AKAP6: variants seen among roughly 807,000 people sequenced by gnomAD.
The protein encoded by AKAP6 is A-kinase anchoring protein 6.
A neutral mutation model predicts 188.5 loss-of-function variants in AKAP6; 58 were observed. The observed-to-expected ratio is 0.31, with a 90% CI of 0.25 to 0.38. AKAP6 has a LOEUF of 0.38. AKAP6 is among the 10% of genes least tolerant of loss of function. AKAP6 has a pLI of 1.00. For synonymous variants in AKAP6, 989 were observed against 998.6 expected, an observed-to-expected ratio of 0.99 and a Z score of 0.18; for missense variants, 2,710 against 2,740.0, an observed-to-expected ratio of 0.99 and a Z score of 0.24.
intron 3 of AKAP6, 108 bp from the exon 4 acceptor site, chr14:32,545,122 C>T: frequency 9.9e-7 from 1 of 1,014,618 alleles, no homozygotes; most frequent in South Asian, 1.5e-5. Flanking sequence ...CAATAGGGAC[C>T]AATACATTTG....
chr14:32,652,151 A>G (rs1888258180), intron 7 of AKAP6, among the ~76,000 whole-genome samples: 1 of 152,110 alleles, frequency 6.6e-6, no homozygotes, highest in South Asian at 2.1e-4. Context: ...TTGTCACCTA[A>G]AAGTTTCCAT....
chr14:32,651,830 T>C (rs921986449), intron 7 of AKAP6, among the ~76,000 whole-genome samples: 1 of 152,184 alleles, frequency 6.6e-6, no homozygotes, highest in Non-Finnish European at 1.5e-5. Context: ...CTATGTATTG[T>C]AGAACATCCA....
At chr14:32,604,543 C>G (rs1298656669) in intron 7 of AKAP6, among the ~76,000 whole-genome samples, 1 of 152,020 alleles carries the variant, frequency 6.6e-6, no homozygotes, top group Non-Finnish European at 1.5e-5. Context: ...TCTTTTACTC[C>G]CTTGGGCAAA....
chr14:32,642,499 G>A (rs1247387380), intron 7 of AKAP6, among the ~76,000 whole-genome samples: 2 of 152,160 alleles, frequency 1.3e-5, no homozygotes, highest in Non-Finnish European at 2.9e-5. Context: ...CAGCTGTATA[G>A]TTTTTTCTTT....
chr14:32,725,563 T>C (rs192340487), intron 9 of AKAP6, among the ~76,000 whole-genome samples: 29 of 152,312 alleles, frequency 1.9e-4, no homozygotes, highest in Admixed American at 1.5e-3. Flanking sequence ...TACATCAGAG[T>C]TGCAGACTAG....
chr14:32,799,542 AT>A (rs1463948564), intron 12 of AKAP6, among the ~76,000 whole-genome samples: 1 of 152,022 alleles, frequency 6.6e-6, no homozygotes, highest in African/African-American at 2.4e-5. Context: ...AATATTTTAA[AT>A]TTTTTATTGA....
At chr14:32,340,993 C>T (rs1023403014) in intron 1 of AKAP6, among the ~76,000 whole-genome samples, 14 of 152,320 alleles carry the variant, frequency 9.2e-5, no homozygotes, top group South Asian at 4.1e-4. Context: ...ATTTTGGGAA[C>T]GCAAAACATT....
intron 2 of AKAP6, among the ~76,000 whole-genome samples, chr14:32,494,801 A>T (rs1310838441): frequency 6.6e-6 from 1 of 152,120 alleles, no homozygotes; most frequent in East Asian, 1.9e-4. Flanking sequence ...TTTATTAGTG[A>T]TGGGTCTAAG....
chr14:32,583,289 G>T (rs1289222695), intron 5 of AKAP6, among the ~76,000 whole-genome samples: 3 of 152,210 alleles, frequency 2.0e-5, no homozygotes, highest in Non-Finnish European at 4.4e-5. Context: ...CAGCAGCGGT[G>T]GCTGCAGAAC....
At chr14:32,385,655 C>A (rs1888509025) in intron 1 of AKAP6, among the ~76,000 whole-genome samples, 1 of 151,324 alleles carries the variant, frequency 6.6e-6, no homozygotes, top group Non-Finnish European at 1.5e-5. Context: ...TGAGAACATA[C>A]AATGTTTTGT....
At chr14:32,390,164 A>C (rs1476305023) in intron 1 of AKAP6, among the ~76,000 whole-genome samples, 1 of 151,996 alleles carries the variant, frequency 6.6e-6, no homozygotes, top group Non-Finnish European at 1.5e-5. Flanking sequence ...AGCATTTTGC[A>C]TTTCTAGAAG....
At chr14:32,808,685 T>C (rs2034150098) in intron 12 of AKAP6, among the ~76,000 whole-genome samples, 2 of 152,200 alleles carry the variant, frequency 1.3e-5, no homozygotes, top group African/African-American at 4.8e-5. Flanking sequence ...TCTTCCGTTT[T>C]TTTTCTTTCT....
chr14:32,534,722 T>C lies in AKAP6; in HGVS notation c.325-832T>C, dbSNP rs191541809. 1.4e-3 allele frequency among the ~76,000 whole-genome samples: 212 copies of C among 152,032 alleles called. 3 individuals carry two copies. The highest frequency in any genetic ancestry group is 0.01 in the Middle Eastern group (3 of 294). On this transcript the variant is annotated intron_variant, in intron 2 of 13. Transcript: ENST00000280979. ...GGCTCAGGCCTGTAATCCCAGCACT[T>C]TGGGAGGCTGAGGTGGGTGGATCAC...
At chr14:32,573,755 A>G (rs536291441) in intron 4 of AKAP6, among the ~76,000 whole-genome samples, 1 of 152,146 alleles carries the variant, frequency 6.6e-6, no homozygotes, top group South Asian at 2.1e-4. Context: ...TTCGTATGTC[A>G]TCCTTATTTT....
chr14:32,548,577 GAT>G (rs1883310466), intron 4 of AKAP6, among the ~76,000 whole-genome samples: 3 of 147,910 alleles, frequency 2.0e-5, no homozygotes, highest in African/African-American at 7.4e-5. Flanking sequence ...TAGATAGATA[GAT>G]AGATAGATAT....
At chr14:32,476,768 C>A (rs1879086309) in intron 2 of AKAP6, among the ~76,000 whole-genome samples, 1 of 152,178 alleles carries the variant, frequency 6.6e-6, no homozygotes, top group Non-Finnish European at 1.5e-5. Flanking sequence ...GAAAGTGAAG[C>A]ATTTATAGCA....
intron 7 of AKAP6, among the ~76,000 whole-genome samples, chr14:32,638,234 G>A (rs1887599387): frequency 6.6e-6 from 1 of 151,972 alleles, no homozygotes; most frequent in African/African-American, 2.4e-5. Flanking sequence ...ACATAAGAAG[G>A]TCTCTCTCTT....
chr14:32,786,306 T>A (rs1397841246), intron 12 of AKAP6, among the ~76,000 whole-genome samples: 3 of 90,202 alleles, frequency 3.3e-5, no homozygotes, highest in East Asian at 2.7e-4. Flanking sequence ...ATCTTTTTTT[T>A]TTTTTTTTTT....
intron 7 of AKAP6, among the ~76,000 whole-genome samples, chr14:32,636,378 GA>G (rs980948342): frequency 3.3e-5 from 5 of 152,090 alleles, no homozygotes; most frequent in African/African-American, 1.2e-4. Context: ...GATAGATTTT[GA>G]AAAACATTAT....
Sources: gnomAD v4.1 joint callset for allele counts (sites outside exome capture counted in the v4.1 genomes callset) on GRCh38, gnomAD v4.1.1 for gene constraint, MANE v1.5 for transcripts, NCBI Gene and HGNC (gene_info 2026-07-23, HGNC 2026-07-21) for gene names.